The following SPATA17 variants were observed in gnomAD, a reference collection of about 807,000 sequenced individuals.
The protein encoded by SPATA17 is spermatogenesis-associated protein 17.
A neutral mutation model predicts 62.2 loss-of-function variants in SPATA17; 53 were observed. The observed-to-expected ratio is 0.85, with a 90% CI of 0.68 to 1.07. The LOEUF (loss-of-function observed/expected upper bound fraction) is 1.07, where lower values mean the gene tolerates loss of function less well. Among genes scored for constraint, SPATA17 ranks in the 50% least tolerant of loss-of-function variants. SPATA17 has a pLI of 0.00. For synonymous variants in SPATA17, 146 were observed against 146.8 expected, an observed-to-expected ratio of 0.99 and a Z score of 0.04; for missense variants, 466 against 425.5, an observed-to-expected ratio of 1.10 and a Z score of -0.84.
At chr1:217,708,461 G>A (rs902153487) in intron 5 of SPATA17, among the ~76,000 whole-genome samples, 3 of 152,002 alleles carry the variant, frequency 2.0e-5, no homozygotes, top group Admixed American at 6.6e-5. Context: ...AGAAGAAATG[G>A]ATAAATTCCT....
At chr1:217,705,740 A>C (rs1183008184) in intron 5 of SPATA17, among the ~76,000 whole-genome samples, 1 of 152,004 alleles carries the variant, frequency 6.6e-6, no homozygotes, top group Admixed American at 6.6e-5. Flanking sequence ...TGCCCGGCCT[A>C]TTTGTGATTT....
At chr1:217,794,471 A>T (rs1287275115) in intron 8 of SPATA17, among the ~76,000 whole-genome samples, 1 of 152,230 alleles carries the variant, frequency 6.6e-6, no homozygotes, top group African/African-American at 2.4e-5. Flanking sequence ...TCACTTTAAA[A>T]TTCTAAACCA....
At chr1:217,778,743 C>A (rs944905518) in intron 7 of SPATA17, among the ~76,000 whole-genome samples, 10 of 152,108 alleles carry the variant, frequency 6.6e-5, no homozygotes, top group African/African-American at 1.7e-4. Flanking sequence ...CAACATTAAC[C>A]ATTAAACATG....
chr1:217,683,387 T>G, intron 5 of SPATA17, 26 bp downstream of exon 5: 1 of 1,437,424 alleles, frequency 7.0e-7, no homozygotes, highest in Non-Finnish European at 9.8e-7. Flanking sequence ...ATCCATTCAC[T>G]AGGGAAAACT....
At chr1:217,732,084 T>TTCTCTCTCTCTCTCTCTCTCTCTCTC (rs60691625) in intron 5 of SPATA17, among the ~76,000 whole-genome samples, 56 of 148,832 alleles carry the variant, frequency 3.8e-4, no homozygotes, top group Admixed American at 6.7e-4. Context: ...TTACTCCAGT[T>TTCTCTCTCTCTCTCTCTCTCTCTCTC]TCTCTCTCTC....
chr1:217,842,736 A>T (rs573019635), intron 9 of SPATA17, among the ~76,000 whole-genome samples: 1 of 151,960 alleles, frequency 6.6e-6, no homozygotes, highest in African/African-American at 2.4e-5. Context: ...TAGTTTTTTC[A>T]TGGAATGATC....
intron 9 of SPATA17, among the ~76,000 whole-genome samples, chr1:217,853,715 A>C (rs1159908089): frequency 6.6e-6 from 1 of 152,216 alleles, no homozygotes; most frequent in African/African-American, 2.4e-5. Context: ...CCAACCAATC[A>C]GTGCATAATA....
intron 8 of SPATA17, among the ~76,000 whole-genome samples, chr1:217,798,071 T>A (rs1674200731): frequency 6.6e-6 from 1 of 152,218 alleles, no homozygotes; most frequent in Admixed American, 6.5e-5. Flanking sequence ...CTTTTGAGAA[T>A]GTGCTAAAAT....
intron 8 of SPATA17, among the ~76,000 whole-genome samples, chr1:217,787,041 G>A (rs566603779): frequency 1.3e-5 from 2 of 152,106 alleles, no homozygotes; most frequent in South Asian, 4.1e-4. Flanking sequence ...ATCTGCACAA[G>A]CTAGAGACTT....
chr1:217,747,624 A>G (rs573580836), intron 6 of SPATA17, among the ~76,000 whole-genome samples: 3 of 152,298 alleles, frequency 2.0e-5, no homozygotes, highest in African/African-American at 7.2e-5. Flanking sequence ...GTAAATAAAC[A>G]TAAAATATAC....
chr1:217,636,110 C>A (rs538877709), intron 1 of SPATA17, among the ~76,000 whole-genome samples: 8 of 112,628 alleles, frequency 7.1e-5, no homozygotes, highest in South Asian at 2.9e-4. Flanking sequence ...TCCAGCCTGG[C>A]GACAGAATGA....
chr1:217,663,967 C>T (rs1449721767), intron 3 of SPATA17, among the ~76,000 whole-genome samples: 1 of 151,704 alleles, frequency 6.6e-6, no homozygotes, highest in Non-Finnish European at 1.5e-5. Flanking sequence ...GATTTTAAAA[C>T]TGAGGAAAAG....
chr1:217,754,043 C>G (rs1335715991), intron 6 of SPATA17, among the ~76,000 whole-genome samples: 1 of 152,086 alleles, frequency 6.6e-6, no homozygotes, highest in Non-Finnish European at 1.5e-5. Flanking sequence ...CAAGACCTGC[C>G]TGGGCAACAT....
At chr1:217,697,132 C>T (rs1671477183) in intron 5 of SPATA17, among the ~76,000 whole-genome samples, 1 of 152,176 alleles carries the variant, frequency 6.6e-6, no homozygotes. Context: ...CCTCAGCCTC[C>T]TGCGTAGCTG....
chr1:217,722,383 T>G (rs1672152496), intron 5 of SPATA17, among the ~76,000 whole-genome samples: 1 of 152,068 alleles, frequency 6.6e-6, no homozygotes, highest in Non-Finnish European at 1.5e-5. Flanking sequence ...AGGAAACTTA[T>G]TTATATCGGC....
chr1:217,776,676 TAAAAAAAA>T (rs59177848), intron 7 of SPATA17, among the ~76,000 whole-genome samples: 3 of 119,148 alleles, frequency 2.5e-5, no homozygotes. Flanking sequence ...CTGTCTCTAT[TAAAAAAAA>T]AAAAAAAAAA....
At chr1:217,726,968 C>T (rs910185172) in intron 5 of SPATA17, among the ~76,000 whole-genome samples, 1 of 151,942 alleles carries the variant, frequency 6.6e-6, no homozygotes, top group Non-Finnish European at 1.5e-5. Context: ...AAACTACTGT[C>T]GGGGAGCGGT....
chr1:217,761,725 T>A (rs78118091), intron 6 of SPATA17, among the ~76,000 whole-genome samples: 1,657 of 152,228 alleles, frequency 0.011, 22 homozygotes, highest in African/African-American at 0.038. Context: ...AGTTTGTTTT[T>A]TTCAAGGATC....
chr1:217,685,485 G>C (rs1166537158), intron 5 of SPATA17, among the ~76,000 whole-genome samples: 2 of 152,130 alleles, frequency 1.3e-5, no homozygotes, highest in African/African-American at 4.8e-5. Context: ...ATATTACAGA[G>C]CCATTCTATT....
Sources: allele counts gnomAD v4.1 joint callset (sites outside exome capture counted in the v4.1 genomes callset), GRCh38; gene constraint gnomAD v4.1.1; transcripts MANE v1.5; gene names NCBI Gene and HGNC (gene_info 2026-07-23, HGNC 2026-07-21).